Variants in TMEM132D observed in about 807,000 individuals in gnomAD.
TMEM132D encodes the protein transmembrane protein 132D.
A neutral mutation model predicts 62.3 loss-of-function variants in TMEM132D; 21 were observed. That is an observed-to-expected ratio of 0.34 (90% CI 0.24 to 0.49). TMEM132D has a LOEUF of 0.49. TMEM132D is among the 20% of genes least tolerant of loss of function. TMEM132D has a pLI of 0.99. For synonymous variants in TMEM132D, 621 were observed against 575.6 expected (o/e 1.08, Z -1.13); for missense variants, 1,346 against 1,402.8 (o/e 0.96, Z 0.65).
chr12:129,701,608 G>A (rs74834374), intron 1 of TMEM132D, among the ~76,000 whole-genome samples: 2,529 of 152,242 alleles, frequency 0.017, 101 homozygotes, highest in East Asian at 0.13. Context: ...TCCCTCAGGG[G>A]GAGAAAAATC....
chr12:129,682,554 G>A (rs1003978747), intron 2 of TMEM132D, among the ~76,000 whole-genome samples: 7 of 152,118 alleles, frequency 4.6e-5, no homozygotes, highest in African/African-American at 1.7e-4. Context: ...GGTCACAGCA[G>A]TGTTTAATGG....
chr12:129,790,774 T>C (rs1426330880), intron 1 of TMEM132D, among the ~76,000 whole-genome samples: 1 of 152,214 alleles, frequency 6.6e-6, no homozygotes, highest in African/African-American at 2.4e-5. Context: ...CTGCCCAGAA[T>C]TTCCCTGCCT....
At chr12:129,817,457 C>G (rs1331942958) in intron 1 of TMEM132D, among the ~76,000 whole-genome samples, 2 of 71,850 alleles carry the variant, frequency 2.8e-5, no homozygotes, top group Admixed American at 3.2e-4. Flanking sequence ...ACCAACCGCT[C>G]GCTCTCTCTC....
At chr12:129,466,751 T>G (rs1873920057) in intron 3 of TMEM132D, among the ~76,000 whole-genome samples, 1 of 152,228 alleles carries the variant, frequency 6.6e-6, no homozygotes, top group Admixed American at 6.5e-5. Context: ...TGCTCATTGC[T>G]TACTTGTTCT....
At chr12:129,221,191 T>C (rs1157044549) in intron 4 of TMEM132D, among the ~76,000 whole-genome samples, 1 of 152,182 alleles carries the variant, frequency 6.6e-6, no homozygotes, top group Non-Finnish European at 1.5e-5. Flanking sequence ...TTCTTTCTCC[T>C]CACCTGACAC....
intron 2 of TMEM132D, among the ~76,000 whole-genome samples, chr12:129,561,269 C>G (rs1877219288): frequency 6.6e-6 from 1 of 152,202 alleles, no homozygotes; most frequent in South Asian, 2.1e-4. Flanking sequence ...AACCACTCAT[C>G]CAACCAATAT....
At chr12:129,394,493 T>C (rs1593363146) in intron 3 of TMEM132D, among the ~76,000 whole-genome samples, 1 of 152,218 alleles carries the variant, frequency 6.6e-6, no homozygotes, top group African/African-American at 2.4e-5. Context: ...TCTCCGGGCC[T>C]GCGTGAGTTC....
rs879021301 is a variant in TMEM132D, at chr12:129,243,640, A to G, written c.1300-33977T>C. 1.3e-5 allele frequency among the ~76,000 whole-genome samples: 2 copies of G among 152,198 alleles called. 1 individual carries two copies. The highest frequency in any genetic ancestry group is 1.3e-4 in the Admixed American group (2 of 15,290). ...TATTTCCTTCCTAACACAGGGCTTC[A>G]TCTCCACAATGATTTTGCTGCTTTC... On this transcript the variant is annotated intron_variant, in intron 4 of 8. Coordinates refer to ENST00000422113, the MANE Select transcript of TMEM132D (RefSeq NM_133448.3).
chr12:129,178,835 C>T (rs188245281), intron 5 of TMEM132D, among the ~76,000 whole-genome samples: 1 of 152,200 alleles, frequency 6.6e-6, no homozygotes, highest in Non-Finnish European at 1.5e-5. Flanking sequence ...GTCTGCACTC[C>T]TTGAACCTGG....
intron 5 of TMEM132D, among the ~76,000 whole-genome samples, chr12:129,194,562 C>T (rs908712369): frequency 2.0e-5 from 3 of 152,112 alleles, no homozygotes; most frequent in African/African-American, 4.8e-5. Context: ...CTTCATGACA[C>T]GAGTTTACCT....
intron 4 of TMEM132D, among the ~76,000 whole-genome samples, chr12:129,222,691 T>C (rs1378257301): frequency 6.6e-6 from 1 of 152,202 alleles, no homozygotes; most frequent in Non-Finnish European, 1.5e-5. Flanking sequence ...ATAGGTGATA[T>C]CTAAAGAAGC....
At chr12:129,273,129 G>T (rs749636590) in intron 4 of TMEM132D, among the ~76,000 whole-genome samples, 1 of 151,830 alleles carries the variant, frequency 6.6e-6, no homozygotes, top group Non-Finnish European at 1.5e-5. Context: ...CTGGGAGGTG[G>T]AGGTTGCAGT....
intron 2 of TMEM132D, among the ~76,000 whole-genome samples, chr12:129,612,759 C>T (rs1878810443): frequency 6.6e-6 from 1 of 152,012 alleles, no homozygotes; most frequent in Admixed American, 6.6e-5. Context: ...TTAGTCTGAC[C>T]TTTTGCCCCT....
intron 2 of TMEM132D, among the ~76,000 whole-genome samples, chr12:129,534,603 T>C (rs10773679): frequency 0.23 from 34,977 of 151,982 alleles, 4,248 homozygotes; most frequent in South Asian, 0.26. Context: ...TGGATAGCAG[T>C]ATCTTCATTT....
At chr12:129,828,736 A>G (rs1222305878) in intron 1 of TMEM132D, among the ~76,000 whole-genome samples, 1 of 11,392 alleles carries the variant, frequency 8.8e-5, no homozygotes, top group African/African-American at 3.7e-4. Flanking sequence ...GGGAGGGAGG[A>G]AAGGAGGGAG....
chr12:129,338,225 T>C (rs756685987), intron 3 of TMEM132D, among the ~76,000 whole-genome samples: 7 of 152,214 alleles, frequency 4.6e-5, no homozygotes, highest in Admixed American at 3.3e-4. Flanking sequence ...CACAGCCAGA[T>C]TGAGTTGGTT....
intron 5 of TMEM132D, among the ~76,000 whole-genome samples, chr12:129,159,934 C>T (rs952107860): frequency 3.3e-5 from 5 of 152,028 alleles, no homozygotes; most frequent in African/African-American, 1.2e-4. Context: ...TTCTGTACAA[C>T]AGTTTCTCAT....
intron 2 of TMEM132D, among the ~76,000 whole-genome samples, chr12:129,536,783 G>A (rs1404227965): frequency 6.6e-6 from 1 of 152,210 alleles, no homozygotes; most frequent in East Asian, 1.9e-4. Flanking sequence ...CAGTGAAGCA[G>A]AAGAAAGAGC....
intron 1 of TMEM132D, among the ~76,000 whole-genome samples, chr12:129,738,814 T>C (rs985590891): frequency 1.3e-5 from 2 of 152,110 alleles, no homozygotes; most frequent in African/African-American, 4.8e-5. Flanking sequence ...ATCTTAATAG[T>C]AGAACCTGCT....
Sources: allele counts gnomAD v4.1 joint callset (sites outside exome capture counted in the v4.1 genomes callset), GRCh38; gene constraint gnomAD v4.1.1; transcripts MANE v1.5; gene names NCBI Gene and HGNC (gene_info 2026-07-23, HGNC 2026-07-21).